Variants in BRAF observed in about 807,000 individuals in gnomAD.
BRAF encodes serine/threonine-protein kinase B-raf.
A neutral mutation model predicts 104.6 loss-of-function variants in BRAF; 16 were observed. The ratio of observed to expected loss-of-function variants is 0.15; its 90% CI spans 0.10 to 0.23. BRAF has a LOEUF of 0.23. Among genes scored for constraint, BRAF ranks in the 10% least tolerant of loss-of-function variants. The pLI, the probability that BRAF is intolerant of heterozygous loss-of-function variation, is 1.00. For missense variants in BRAF, 541 were observed against 937.3 expected (o/e 0.58, Z 5.52); for synonymous variants, 310 against 341.6 (o/e 0.91, Z 1.02).
Position 140,724,990 on chromosome 7 carries a change from C to T in BRAF, c.*1504G>A. The T allele has an allele frequency of 9.6e-7, 1 of 1,045,392 alleles. No individual in the cohort carries two copies. The highest frequency in any genetic ancestry group is 1.2e-6 in the Non-Finnish European group (1 of 866,776). The allele number at this position is 1,045,392 out of a possible 1,614,324, so 64.8% of individuals were successfully genotyped here. On this transcript the variant is annotated 3_prime_UTR_variant, in exon 20 of 20. Transcript: ENST00000644969. ...TTTAGGTTCTTAATGAATGCCAGTT[C>T]TTTCTATAAAAACAACTGATGACAG...
chr7:140,901,187 T>A (rs779372992), intron 1 of BRAF, among the ~76,000 whole-genome samples: 9 of 152,202 alleles, frequency 5.9e-5, no homozygotes, highest in Non-Finnish European at 1.2e-4. Context: ...AAAAATATGA[T>A]CAAGAAAAAT....
intron 3 of BRAF, chr7:140,824,016 T>C (rs1805751692): frequency 1.3e-5 from 2 of 152,200 alleles, no homozygotes; most frequent in Non-Finnish European, 1.5e-5. Flanking sequence ...TTGTATGCTA[T>C]TACAGGAGTT....
intron 3 of BRAF, among the ~76,000 whole-genome samples, chr7:140,833,036 G>A (rs986860735): frequency 1.4e-4 from 21 of 151,820 alleles, no homozygotes; most frequent in African/African-American, 3.9e-4. Flanking sequence ...ACCACGCCCC[G>A]CTAATCTTTT....
At chr7:140,860,709 A>T (rs556056438) in intron 1 of BRAF, among the ~76,000 whole-genome samples, 1 of 152,298 alleles carries the variant, frequency 6.6e-6, no homozygotes, top group Non-Finnish European at 1.5e-5. Context: ...TGGGCCTAAT[A>T]ATACAAGAGT....
Position 140,808,851 on chromosome 7 carries a change from TTTC to T in BRAF, c.608+38_608+40del, listed in dbSNP as rs746766195. Reference sequence around the variant, plus strand: ...AAAACTTCAAAGTTTAATGTGTGATTTTCTTTTTAAACAAAATTTCACGTCACA... The same window carrying T: ...AAAACTTCAAAGTTTAATGTGTGATTTTTTTAAACAAAATTTCACGTCACA... On this transcript the variant is annotated intron_variant, in intron 4 of 19. Transcript: ENST00000644969. 111 of 1,530,260 alleles carry T rather than the reference TTTC, an allele frequency of 7.3e-5. No individual in the cohort carries two copies. The East Asian group carries it at 2.5e-3, about 34-fold the overall frequency. 94.8% of individuals were successfully genotyped at this position (1,530,260 alleles called of 1,614,324 possible). A position where few individuals can be genotyped will look rare whatever the true frequency, so the allele number is the denominator to read the frequency against.
chr7:140,887,765 G>A (rs1813738178), intron 1 of BRAF, among the ~76,000 whole-genome samples: 2 of 152,150 alleles, frequency 1.3e-5, no homozygotes, highest in African/African-American at 4.8e-5. Context: ...CCAGGCTGGA[G>A]TGCAGTAGTG....
chr7:140,863,767 G>A lies in BRAF; in HGVS notation c.139-13555C>T, dbSNP rs117172994. Among the ~76,000 whole-genome samples the A allele has an allele frequency of 3.2e-3, 482 of 152,202 alleles. 2 individuals are homozygous for A. The highest frequency in any genetic ancestry group is 3.4e-3 in the Middle Eastern group (1 of 294). The stretch of plus-strand genomic sequence containing the variant: ...ACCCCTTGCTCCTGCCATGTAAGAC[G>A]CACCTGCTCCTGCTTTGCCTTCTGC... On this transcript the variant is annotated intron_variant, in intron 1 of 19. Coordinates refer to ENST00000644969, the MANE Select transcript of BRAF (RefSeq NM_001374258.1).
chr7:140,718,836 T>G (rs2130812674), downstream of BRAF, among the ~76,000 whole-genome samples: 1 of 152,300 alleles, frequency 6.6e-6, no homozygotes, highest in South Asian at 2.1e-4. Flanking sequence ...ATCAACTCAC[T>G]GAGGTAACCA....
intron 3 of BRAF, among the ~76,000 whole-genome samples, chr7:140,827,887 T>G (rs1806240066): frequency 6.6e-6 from 1 of 152,208 alleles, no homozygotes; most frequent in Admixed American, 6.5e-5. Flanking sequence ...TGATGGACAC[T>G]GAAATTTTAT....
At chr7:140,879,778 T>TGGGA (rs1368885743) in intron 1 of BRAF, among the ~76,000 whole-genome samples, 4 of 149,978 alleles carry the variant, frequency 2.7e-5, no homozygotes, top group Non-Finnish European at 5.9e-5. Flanking sequence ...TCGCCCAGGG[T>TGGGA]GGGAGTACAG....
intron 16 of BRAF, among the ~76,000 whole-genome samples, chr7:140,749,966 C>T (rs1242404530): frequency 6.6e-6 from 1 of 152,076 alleles, no homozygotes; most frequent in African/African-American, 2.4e-5. Context: ...TATAAACATG[C>T]CATGGATGCT....
intron 2 of BRAF, among the ~76,000 whole-genome samples, chr7:140,845,580 T>C (rs1233255734): frequency 1.3e-5 from 2 of 152,124 alleles, no homozygotes; most frequent in African/African-American, 4.8e-5. Flanking sequence ...AATAAGCACA[T>C]AATAAAAGGC....
rs1232247923 is a variant in BRAF, at chr7:140,882,371, C to CTT, written c.139-32161_139-32160dup. Among the ~76,000 whole-genome samples, 964 of 126,608 alleles carry CTT rather than the reference C, an allele frequency of 7.6e-3. 26 individuals carry two copies. The highest frequency in any genetic ancestry group is 0.025 in the African/African-American group (834 of 33,270). 83.1% of individuals were successfully genotyped at this position (126,608 alleles called of 152,430 possible). On this transcript the variant is annotated intron_variant, in intron 1 of 19. Transcript: ENST00000644969. ...AACTATTATTTCTTTATCAAAGTAT[C>CTT]TTTTTTTTTTTTTTTTTTTTGTGAG...
At chr7:140,760,587 G>A (rs1798611417) in intron 14 of BRAF, among the ~76,000 whole-genome samples, 1 of 152,046 alleles carries the variant, frequency 6.6e-6, no homozygotes, top group African/African-American at 2.4e-5. Context: ...AATAACTGAA[G>A]AGAGAAGCAG....
In BRAF at chr7:140,721,599, G is replaced by A. The variant is rs1315761595; in HGVS notation, c.*4895C>T. On this transcript the variant is annotated 3_prime_UTR_variant, in exon 20 of 20. Transcript: ENST00000644969. ...TATACTGGTGACTCCGCTCTCCTCT[G>A]GCCAAGCTACAAATCATCACCTGAG... is the stretch of plus-strand genomic sequence containing the variant. The A allele has an allele frequency of 5.2e-6, 8 of 1,534,256 alleles. No homozygotes were observed. The highest frequency in any genetic ancestry group is 7.0e-6 in the Non-Finnish European group (8 of 1,146,036).
intron 19 of BRAF, chr7:140,733,314 T>C (rs576562534): frequency 1.3e-5 from 2 of 152,200 alleles, no homozygotes; most frequent in Non-Finnish European, 2.9e-5. Flanking sequence ...ATGTGTTTAC[T>C]GGAAGAACCT....
chr7:140,787,424 T>C, intron 9 of BRAF, 124 bp downstream of exon 9: 2 of 925,080 alleles, frequency 2.2e-6, no homozygotes, highest in Non-Finnish European at 3.4e-6. Flanking sequence ...ACAAAAAAAT[T>C]TTGGGTTTCT....
chr7:140,839,338 A>G (rs1277961522), intron 2 of BRAF, among the ~76,000 whole-genome samples: 2 of 152,068 alleles, frequency 1.3e-5, no homozygotes, highest in East Asian at 1.9e-4. Flanking sequence ...AATGGGTCAC[A>G]TATCTATTAT....
rs1311508857 is a variant in BRAF, at chr7:140,890,109, C to T, written c.138+34457G>A. Among the ~76,000 whole-genome samples the T allele has an allele frequency of 6.6e-5, 10 of 152,176 alleles. No homozygotes were observed. The South Asian group carries it at 2.1e-3, about 32-fold the overall frequency. ...AACCTTAGGCAAATTACTTAACCCC[C>T]AAGTGTCAGTTTCTTGACACAGCCC... is the stretch of plus-strand genomic sequence containing the variant. On this transcript the variant is annotated intron_variant, in intron 1 of 19. Coordinates refer to ENST00000644969, the MANE Select transcript of BRAF (RefSeq NM_001374258.1).
Sources: gnomAD v4.1 joint callset for allele counts (sites outside exome capture counted in the v4.1 genomes callset) on GRCh38, gnomAD v4.1.1 for gene constraint, MANE v1.5 for transcripts, NCBI Gene and HGNC (gene_info 2026-07-23, HGNC 2026-07-21) for gene names.